SND1: variants seen among roughly 807,000 people sequenced by gnomAD.
SND1 encodes staphylococcal nuclease and tudor domain containing 1, also known as staphylococcal nuclease domain-containing protein 1.
SND1 carries 38 observed loss-of-function variants against 121.7 expected under a neutral mutation model. That is an observed-to-expected ratio of 0.31 (90% CI 0.24 to 0.41). The LOEUF (loss-of-function observed/expected upper bound fraction) is 0.41, where lower values mean the gene tolerates loss of function less well. Among genes scored for constraint, SND1 ranks in the 10% least tolerant of loss-of-function variants. The pLI is 1.00. For missense variants in SND1, 868 were observed against 1,184.6 expected, an observed-to-expected ratio of 0.73 and a Z score of 3.92; for synonymous variants, 401 against 447.4, an observed-to-expected ratio of 0.90 and a Z score of 1.31.
At chr7:128,080,368 G>C (rs1488568043) in intron 17 of SND1, among the ~76,000 whole-genome samples, 2 of 152,248 alleles carry the variant, frequency 1.3e-5, no homozygotes, top group Non-Finnish European at 2.9e-5. Context: ...GACAGCACAG[G>C]GCTTTGGGGA....
intron 16 of SND1, among the ~76,000 whole-genome samples, chr7:128,066,985 C>G (rs980354685): frequency 2.0e-5 from 3 of 152,126 alleles, no homozygotes; most frequent in African/African-American, 7.2e-5. Flanking sequence ...ATTTCCCGCG[C>G]CCCCCTGCAA....
At chr7:127,819,728 G>A (rs546020565) in intron 11 of SND1, among the ~76,000 whole-genome samples, 193 of 152,258 alleles carry the variant, frequency 1.3e-3, no homozygotes, top group Non-Finnish European at 1.7e-3. Context: ...TCATAAACCC[G>A]TTTGAAGATT....
chr7:128,038,532 G>A (rs963428614), intron 16 of SND1, among the ~76,000 whole-genome samples: 6 of 152,206 alleles, frequency 3.9e-5, no homozygotes, highest in South Asian at 4.1e-4. Flanking sequence ...ACGGAAACCG[G>A]TATAGAAGAG....
chr7:127,793,448 G>C (rs150440470), intron 10 of SND1, among the ~76,000 whole-genome samples: 53 of 152,286 alleles, frequency 3.5e-4, no homozygotes, highest in Middle Eastern at 6.8e-3. Flanking sequence ...CACTCAAAGA[G>C]TTAGTGGTGT....
chr7:127,854,015 C>A (rs764954896), intron 12 of SND1, among the ~76,000 whole-genome samples: 1 of 152,278 alleles, frequency 6.6e-6, no homozygotes, highest in East Asian at 1.9e-4. Flanking sequence ...TATTTCTCCA[C>A]TAGTCTGACC....
intron 3 of SND1, 83 bp downstream of exon 3, chr7:127,695,031 GGGTTCT>G: frequency 6.5e-7 from 1 of 1,529,228 alleles, no homozygotes; most frequent in Non-Finnish European, 8.9e-7. Flanking sequence ...AGGCCAGTGT[GGGTTCT>G]GGTGGAGGAA....
At position 127,708,749 on chromosome 7, in the gene SND1, G is replaced by C. The variant is rs7776928; in HGVS notation, c.1038+1102G>C. On this transcript the variant is annotated intron_variant, in intron 9 of 23. Coordinates refer to ENST00000354725, the MANE Select transcript of SND1 (RefSeq NM_014390.4). ...AACTTGAGTAGTAGACCTGCTCTCT[G>C]TGTCTTCCCAAAATGCTGTAATGTT... 7.9e-3 allele frequency among the ~76,000 whole-genome samples: 1,203 copies of C among 152,278 alleles called. 18 individuals are homozygous for C. Among genetic ancestry groups the C allele is most frequent in the African/African-American group, 0.027 (1,124 of 41,540 alleles).
intron 21 of SND1, among the ~76,000 whole-genome samples, chr7:128,088,658 G>A (rs531913986): frequency 2.6e-5 from 4 of 151,686 alleles, no homozygotes; most frequent in Non-Finnish European, 5.9e-5. Context: ...TCACCATGTT[G>A]GCCAGGCTGG....
At chr7:127,822,456 G>A (rs1798565065) in intron 11 of SND1, among the ~76,000 whole-genome samples, 1 of 152,098 alleles carries the variant, frequency 6.6e-6, no homozygotes, top group Non-Finnish European at 1.5e-5. Flanking sequence ...ATGCAACTGT[G>A]AATTCTACTA....
At chr7:128,091,947 G>T in intron 23 of SND1, 46 bp from the exon 24 acceptor site, 1 of 1,614,014 alleles carries the variant, frequency 6.2e-7, no homozygotes, top group Non-Finnish European at 8.5e-7. Flanking sequence ...CTGAGTTCCG[G>T]TGGGTCCCGT....
intron 13 of SND1, 130 bp downstream of exon 13, chr7:127,888,142 G>T (rs1358215309): frequency 1.8e-6 from 1 of 566,862 alleles, no homozygotes; most frequent in African/African-American, 1.9e-5. Context: ...TATTATTCTA[G>T]ATTTTCCCCA....
chr7:128,028,621 A>G (rs1370627902), intron 16 of SND1: 2 of 1,502,364 alleles, frequency 1.3e-6, no homozygotes, highest in Non-Finnish European at 1.8e-6. Context: ...CTCTGTACAA[A>G]AGTTGCTGTC....
At chr7:128,043,975 C>T (rs114930801) in intron 16 of SND1, among the ~76,000 whole-genome samples, 2 of 151,838 alleles carry the variant, frequency 1.3e-5, no homozygotes, top group Non-Finnish European at 2.9e-5. Context: ...ATTTTAGAAG[C>T]CTTTAGAAGA....
chr7:127,899,459 C>G (rs1291163376), intron 13 of SND1, among the ~76,000 whole-genome samples: 2 of 152,100 alleles, frequency 1.3e-5, no homozygotes, highest in African/African-American at 4.8e-5. Context: ...AAGGGGAAAG[C>G]AAAAGCCCAG....
intron 15 of SND1, among the ~76,000 whole-genome samples, chr7:127,981,483 T>A (rs774800910): frequency 4.9e-4 from 74 of 152,122 alleles, no homozygotes; most frequent in Middle Eastern, 3.4e-3. Context: ...AGCCTGCTCT[T>A]GGGATGCCAC....
At chr7:127,860,991 G>C (rs1234478308) in intron 12 of SND1, among the ~76,000 whole-genome samples, 1 of 152,172 alleles carries the variant, frequency 6.6e-6, no homozygotes, top group Non-Finnish European at 1.5e-5. Flanking sequence ...GATGACCAAA[G>C]TATAATTATT....
At chr7:127,906,770 C>G (rs1327306504) in intron 14 of SND1, among the ~76,000 whole-genome samples, 3 of 152,158 alleles carry the variant, frequency 2.0e-5, no homozygotes, top group Non-Finnish European at 4.4e-5. Context: ...CCTCTCCACA[C>G]CCCTCAGTGT....
Position 127,986,851 on chromosome 7 carries a change from C to T in SND1, c.1670-4096C>T, listed in dbSNP as rs189910007. On this transcript the variant is annotated intron_variant, in intron 15 of 23. Transcript: ENST00000354725. ...GGGGATCTGTCTTTGTTCTGGCACA[C>T]CCCATGATAGAGAAGGAAAATGCTC... Among the ~76,000 whole-genome samples, 15 of 152,296 alleles carry T rather than the reference C, an allele frequency of 9.8e-5. No individual in the cohort carries two copies. The East Asian group carries it at 2.7e-3, about 27-fold the overall frequency.
intron 10 of SND1, among the ~76,000 whole-genome samples, chr7:127,758,038 T>C (rs1228031698): frequency 6.6e-6 from 1 of 152,192 alleles, no homozygotes; most frequent in East Asian, 1.9e-4. Context: ...TTCCTGACTC[T>C]CAGAGGAATA....
Sources: allele counts gnomAD v4.1 joint callset (sites outside exome capture counted in the v4.1 genomes callset), GRCh38; gene constraint gnomAD v4.1.1; transcripts MANE v1.5; gene names NCBI Gene and HGNC (gene_info 2026-07-23, HGNC 2026-07-21).